The following PTPRB variants were observed in gnomAD, a reference collection of about 807,000 sequenced individuals.
The protein encoded by PTPRB is protein tyrosine phosphatase receptor type B, also known as receptor-type tyrosine-protein phosphatase beta.
Under a neutral mutation model 238.1 loss-of-function variants are expected in PTPRB, and 97 were observed. That is an observed-to-expected ratio of 0.41 (90% confidence interval 0.35 to 0.48). The LOEUF (loss-of-function observed/expected upper bound fraction) is 0.48. Ranked by LOEUF, PTPRB falls within the 20% of genes least tolerant of loss-of-function variation. The pLI is 0.30. For synonymous variants in PTPRB, 970 were observed against 995.4 expected (o/e 0.97, Z 0.48); for missense variants, 2,292 against 2,681.9 (o/e 0.85, Z 3.21).
Position 70,516,989 on chromosome 12 carries a change from A to T in PTPRB, c.*4500T>A, listed in dbSNP as rs1044704151. 2 of 152,212 alleles carry T rather than the reference A, an allele frequency of 1.3e-5. No individual in the cohort carries two copies. Among genetic ancestry groups the T allele is most frequent in the African/African-American group, 4.8e-5 (2 of 41,452 alleles). 9.4% of individuals were successfully genotyped at this position (152,212 alleles called of 1,614,324 possible). A position where few individuals can be genotyped will look rare whatever the true frequency, so the allele number is the denominator to read the frequency against. ...CCCTACAAGTCAAGAGTATTCTCTT[A>T]GCCAGAAATACTTCTATTGCTAGAA... On this transcript the variant is annotated 3_prime_UTR_variant, in exon 34 of 34. Transcript: ENST00000334414.
intron 22 of PTPRB, chr12:70,541,905 C>T (rs998125979): frequency 4.1e-5 from 3 of 73,840 alleles, no homozygotes; most frequent in African/African-American, 8.8e-5. Context: ...ATGAATAATG[C>T]TGCTATGAAC....
intron 4 of PTPRB, among the ~76,000 whole-genome samples, chr12:70,605,101 T>C (rs1301560802): frequency 6.6e-6 from 1 of 152,188 alleles, no homozygotes; most frequent in Non-Finnish European, 1.5e-5. Flanking sequence ...TAAAATCATT[T>C]GAGAGGTTTT....
chr12:70,616,555 G>T (rs112739972), intron 3 of PTPRB, among the ~76,000 whole-genome samples: 1 of 152,202 alleles, frequency 6.6e-6, no homozygotes, highest in South Asian at 2.1e-4. Flanking sequence ...AGTAAATCCT[G>T]ATATAGGTCT....
At chr12:70,527,109 TC>T (rs1872555181) in intron 32 of PTPRB, among the ~76,000 whole-genome samples, 1 of 152,224 alleles carries the variant, frequency 6.6e-6, no homozygotes, top group Non-Finnish European at 1.5e-5. Flanking sequence ...CACATTCAGT[TC>T]CATTCAATTT....
chr12:70,587,850 C>A (rs1224486800), intron 8 of PTPRB, among the ~76,000 whole-genome samples: 2 of 152,096 alleles, frequency 1.3e-5, no homozygotes, highest in East Asian at 3.9e-4. Context: ...TCTGTAATCC[C>A]AGCACTTTGG....
At chr12:70,526,981 G>A (rs780369412) in intron 32 of PTPRB, among the ~76,000 whole-genome samples, 6 of 152,056 alleles carry the variant, frequency 3.9e-5, no homozygotes, top group South Asian at 2.1e-4. Flanking sequence ...CTACTAAAAC[G>A]GTGAGATTGT....
chr12:70,584,752 T>C (rs372798765), intron 9 of PTPRB, among the ~76,000 whole-genome samples: 19 of 151,778 alleles, frequency 1.3e-4, no homozygotes, highest in African/African-American at 4.4e-4. Flanking sequence ...AATGAAGAAA[T>C]TTGAATAACG....
intron 7 of PTPRB, among the ~76,000 whole-genome samples, chr12:70,591,295 C>G (rs991931878): frequency 1.3e-5 from 2 of 151,920 alleles, no homozygotes; most frequent in African/African-American, 4.8e-5. Flanking sequence ...TCCTTTTTGA[C>G]CATATATCTC....
rs778619582 is a variant in PTPRB, at chr12:70,609,342, G to A, written c.709-3C>T. ...CTCTCTGGCTCCGCCAGTCCAGTCT[G>A]CAAAGGAATCAGACACAACAGTTTA... On this transcript the variant is annotated splice_region_variant and splice_polypyrimidine_tract_variant and intron_variant, in intron 3 of 33. Transcript: ENST00000334414. 7 of 1,613,246 alleles carry A rather than the reference G, an allele frequency of 4.3e-6. No homozygotes were observed. In the East Asian group the frequency reaches 1.6e-4, roughly 36 times the overall value.
At chr12:70,617,386 C>CT (rs1160336970) in intron 3 of PTPRB, among the ~76,000 whole-genome samples, 2 of 152,086 alleles carry the variant, frequency 1.3e-5, no homozygotes, top group African/African-American at 4.8e-5. Flanking sequence ...CCCAAGTGGC[C>CT]TTTTTTGTAG....
In PTPRB at chr12:70,539,009, T is replaced by G; in HGVS notation, c.5784A>C (p.Leu1928Phe). 1.2e-6 allele frequency: 2 copies of G among 1,612,812 alleles called. No homozygotes were observed. Among genetic ancestry groups the G allele is most frequent in the South Asian group, 2.2e-5 (2 of 90,836 alleles). The stretch of plus-strand genomic sequence containing the variant: ...ATGACTGGTTTCGGCCCACGTCTTT[T>G]AACTCCTGTTAGGTCAAATATGAGT... ...NYLLSKEYEE[L>F]KDVGRNQSCD... Residue 1928 changes from leucine (L) to phenylalanine (F), a missense_variant, in exon 27 of 34, where the codon TTA becomes TTC. Around this residue, in one of 4 missense-constraint regions of PTPRB, gnomAD observed 397 missense variants for 502.0 expected, o/e 0.79. Coordinates refer to ENST00000334414, the MANE Select transcript of PTPRB (RefSeq NM_001109754.4).
intron 8 of PTPRB, 94 bp downstream of exon 8, chr12:70,589,870 G>T: frequency 3.3e-6 from 4 of 1,215,170 alleles, no homozygotes; most frequent in South Asian, 1.4e-5. Flanking sequence ...AAACACCAGG[G>T]TATGATATTA....
intron 22 of PTPRB, chr12:70,542,915 T>C (rs114465938): frequency 6.7e-6 from 1 of 149,790 alleles, no homozygotes; most frequent in Admixed American, 6.6e-5. Flanking sequence ...AGGAAAAAAA[T>C]ATATATATTA....
rs753512953 is a variant in PTPRB at position 70,539,818 on chromosome 12, C to G, written c.5696+9G>C. The stretch of plus-strand genomic sequence containing the variant: ...GATAATATAGTAATTAATGTGTTCT[C>G]TCTCTTACCAAGAAGTTTTCCGGTT... On this transcript the variant is annotated intron_variant, in intron 25 of 33. Transcript: ENST00000334414. 3 of 1,597,642 alleles carry G rather than the reference C, an allele frequency of 1.9e-6. No homozygotes were observed. Among genetic ancestry groups the G allele is most frequent in the Non-Finnish European group, 2.6e-6 (3 of 1,165,056 alleles).
chr12:70,570,780 G>C (rs560252957), intron 13 of PTPRB, among the ~76,000 whole-genome samples: 1 of 151,990 alleles, frequency 6.6e-6, no homozygotes, highest in South Asian at 2.1e-4. Flanking sequence ...AGAAGCACCA[G>C]CTGATCACAT....
chr12:70,594,024 G>A (rs1024769048), intron 6 of PTPRB, among the ~76,000 whole-genome samples: 1 of 152,198 alleles, frequency 6.6e-6, no homozygotes, highest in African/African-American at 2.4e-5. Context: ...TGTGGGAGTA[G>A]GTCCTGTGGT....
intron 2 of PTPRB, among the ~76,000 whole-genome samples, chr12:70,630,687 G>T (rs1302517341): frequency 6.6e-6 from 1 of 151,584 alleles, no homozygotes; most frequent in African/African-American, 2.4e-5. Context: ...CTCAGCTTTG[G>T]GCTGAAATTT....
chr12:70,534,802 C>G, intron 30 of PTPRB, 31 bp downstream of exon 30: 1 of 1,611,110 alleles, frequency 6.2e-7, no homozygotes, highest in Non-Finnish European at 8.5e-7. Context: ...TCTCCCCAAG[C>G]TCGGTTGTTA....
chr12:70,630,338 T>C (rs1291610398), intron 2 of PTPRB, among the ~76,000 whole-genome samples: 2 of 152,194 alleles, frequency 1.3e-5, no homozygotes, highest in Non-Finnish European at 2.9e-5. Flanking sequence ...TCTCAATAGA[T>C]GCAGAAAAAG....
Sources: allele counts gnomAD v4.1 joint callset (sites outside exome capture counted in the v4.1 genomes callset), GRCh38; gene constraint gnomAD v4.1.1; regional missense constraint gnomAD v4.1.1; transcripts MANE v1.5; gene names NCBI Gene and HGNC (gene_info 2026-07-23, HGNC 2026-07-21).